Variants in LINGO2 observed in about 807,000 individuals in gnomAD.
LINGO2 encodes leucine-rich repeat and immunoglobulin-like domain-containing nogo receptor-interacting protein 2.
LINGO2 carries 14 observed loss-of-function variants against 30.6 expected under a neutral mutation model. The observed-to-expected ratio is 0.46, with a 90% CI of 0.30 to 0.72. LINGO2 has a LOEUF of 0.72. LINGO2 is among the 30% of genes least tolerant of loss of function. The pLI is 0.07. For missense variants in LINGO2, 729 were observed against 751.7 expected (o/e 0.97, Z 0.35); for synonymous variants, 317 against 288.5 (o/e 1.10, Z -1.00).
At chr9:28,498,548 T>G (rs1048570269) in intron 1 of LINGO2, among the ~76,000 whole-genome samples, 3 of 152,156 alleles carry the variant, frequency 2.0e-5, no homozygotes, top group Admixed American at 6.5e-5. Context: ...TTCCAGGTGC[T>G]GTCTTTCACA....
At chr9:28,609,794 T>C (rs1219109730) in intron 1 of LINGO2, among the ~76,000 whole-genome samples, 1 of 152,118 alleles carries the variant, frequency 6.6e-6, no homozygotes, top group Non-Finnish European at 1.5e-5. Flanking sequence ...TGAGTGTTTC[T>C]TATGGCGTAC....
At chr9:28,350,811 A>AGG in intron 3 of LINGO2, among the ~76,000 whole-genome samples, 1 of 151,476 alleles carries the variant, frequency 6.6e-6, no homozygotes, top group African/African-American at 2.4e-5. Context: ...CTCAGACCAC[A>AGG]GTGCAATCAA....
intron 4 of LINGO2, among the ~76,000 whole-genome samples, chr9:28,174,799 G>A (rs1828697712): frequency 6.6e-6 from 1 of 151,980 alleles, no homozygotes; most frequent in Admixed American, 6.6e-5. Context: ...TCTATGAAAG[G>A]TACTCAATAA....
chr9:28,444,185 A>C (rs565675146), intron 2 of LINGO2, among the ~76,000 whole-genome samples: 8 of 152,252 alleles, frequency 5.3e-5, no homozygotes, highest in African/African-American at 1.9e-4. Context: ...GGATCCACCA[A>C]ACAGTGGGAG....
chr9:28,143,821 C>G (rs1396975712), intron 4 of LINGO2, among the ~76,000 whole-genome samples: 3 of 151,654 alleles, frequency 2.0e-5, no homozygotes, highest in East Asian at 3.9e-4. Flanking sequence ...AAAAGGAAAC[C>G]AATAACTCAA....
chr9:28,245,226 G>A (rs1325122585), intron 4 of LINGO2, among the ~76,000 whole-genome samples: 6 of 152,092 alleles, frequency 3.9e-5, no homozygotes, highest in Admixed American at 1.3e-4. Flanking sequence ...CTCAATAAAC[G>A]CAGAAAAGGC....
chr9:29,016,341 C>A, the LINGO2 span, among the ~76,000 whole-genome samples: 1 of 152,100 alleles, frequency 6.6e-6, no homozygotes, highest in East Asian at 1.9e-4. Flanking sequence ...AAATTTTCAG[C>A]TAAATAAACT....
At chr9:28,755,755 G>A in the LINGO2 span, among the ~76,000 whole-genome samples, 1 of 152,048 alleles carries the variant, frequency 6.6e-6, no homozygotes, top group African/African-American at 2.4e-5. Flanking sequence ...AACGGAGAAG[G>A]ACATCATCCT....
chr9:28,069,466 C>A (rs1368967111), intron 4 of LINGO2, among the ~76,000 whole-genome samples: 1 of 152,122 alleles, frequency 6.6e-6, no homozygotes, highest in Non-Finnish European at 1.5e-5. Flanking sequence ...CCAAACAGAA[C>A]TATTTTTGTG....
At chr9:28,338,180 G>A (rs1329476204) in intron 3 of LINGO2, among the ~76,000 whole-genome samples, 2 of 152,212 alleles carry the variant, frequency 1.3e-5, no homozygotes, top group Non-Finnish European at 2.9e-5. Context: ...TGTCCTGGAT[G>A]TGAGACAGGA....
the LINGO2 span, among the ~76,000 whole-genome samples, chr9:29,049,880 C>T: frequency 1.3e-5 from 2 of 152,064 alleles, no homozygotes; most frequent in Non-Finnish European, 2.9e-5. Context: ...ATCTACTACT[C>T]AATAGCACAT....
the LINGO2 span, among the ~76,000 whole-genome samples, chr9:28,990,282 G>A: frequency 6.6e-6 from 1 of 152,208 alleles, no homozygotes; most frequent in Non-Finnish European, 1.5e-5. Context: ...CAAACTGCAA[G>A]GCAGCAGCAA....
At chr9:28,456,720 A>G (rs1824864851) in intron 2 of LINGO2, among the ~76,000 whole-genome samples, 2 of 152,318 alleles carry the variant, frequency 1.3e-5, no homozygotes, top group South Asian at 4.1e-4. Flanking sequence ...GAACATACAA[A>G]CATAAGATAT....
the LINGO2 span, among the ~76,000 whole-genome samples, chr9:28,971,769 C>T: frequency 2.6e-5 from 4 of 152,206 alleles, no homozygotes; most frequent in Non-Finnish European, 4.4e-5. Context: ...TGCCACCTGC[C>T]AGTTGTAGAG....
At chr9:28,606,525 T>G (rs1188390054) in intron 1 of LINGO2, among the ~76,000 whole-genome samples, 3 of 152,036 alleles carry the variant, frequency 2.0e-5, no homozygotes, top group Non-Finnish European at 4.4e-5. Context: ...AAGTGGGTCA[T>G]TTAAGGATAA....
At chr9:28,820,750 C>T in the LINGO2 span, among the ~76,000 whole-genome samples, 1 of 152,168 alleles carries the variant, frequency 6.6e-6, no homozygotes, top group Admixed American at 6.5e-5. Flanking sequence ...TAGAAGTCTA[C>T]CCAGTTTTTA....
intron 2 of LINGO2, among the ~76,000 whole-genome samples, chr9:28,420,460 C>T (rs1054372152): frequency 2.6e-5 from 4 of 152,050 alleles, no homozygotes; most frequent in Non-Finnish European, 5.9e-5. Flanking sequence ...TTTAAACTTG[C>T]TGGCTCACTA....
chr9:28,108,001 C>A (rs544738991), intron 4 of LINGO2, among the ~76,000 whole-genome samples: 6 of 152,224 alleles, frequency 3.9e-5, no homozygotes, highest in Non-Finnish European at 7.4e-5. Context: ...ATAAAAGGAA[C>A]ACAGATATGA....
intron 4 of LINGO2, among the ~76,000 whole-genome samples, chr9:28,117,406 A>C (rs1407695067): frequency 2.6e-5 from 3 of 117,006 alleles, no homozygotes; most frequent in East Asian, 5.1e-4. Flanking sequence ...CTACAGAGGC[A>C]GGCAGGCCTC....
Sources: allele counts gnomAD v4.1 joint callset (sites outside exome capture counted in the v4.1 genomes callset), GRCh38; gene constraint gnomAD v4.1.1; transcripts MANE v1.5; gene names NCBI Gene and HGNC (gene_info 2026-07-23, HGNC 2026-07-21).